CRLF3: variants seen among roughly 807,000 people sequenced by gnomAD.
CRLF3 encodes the protein cytokine receptor-like factor 3.
CRLF3 carries 33 observed loss-of-function variants against 55.0 expected under a neutral mutation model. That is an observed-to-expected ratio of 0.60 (90% CI 0.46 to 0.80). CRLF3 has a LOEUF of 0.80. Ranked by LOEUF, CRLF3 falls within the 30% of genes least tolerant of loss-of-function variation. CRLF3 has a pLI of 0.00. For missense variants in CRLF3, 494 were observed against 538.4 expected (o/e 0.92, Z 0.82); for synonymous variants, 238 against 196.8 (o/e 1.21, Z -1.75).
chr17:30,795,397 G>C (rs1225262625), intron 4 of CRLF3, among the ~76,000 whole-genome samples: 1 of 151,974 alleles, frequency 6.6e-6, no homozygotes, highest in African/African-American at 2.4e-5. Context: ...TTGGGAGGCT[G>C]AGGCAGGAGG....
rs186823938 is a variant in CRLF3, at chr17:30,811,482, A to C, written c.130-7374T>G. 2.8e-3 allele frequency among the ~76,000 whole-genome samples: 408 copies of C among 146,754 alleles called. 5 individuals are homozygous for C. The highest frequency in any genetic ancestry group is 9.9e-3 in the African/African-American group (375 of 37,750). ...CAAACAAACAAACAAAAAACACCAC[A>C]AAAAAAAACAGAAAAACATATTTAT... is the stretch of plus-strand genomic sequence containing the variant. On this transcript the variant is annotated intron_variant, in intron 1 of 7. Transcript: ENST00000324238.
chr17:30,815,924 C>A (rs1312665918), intron 1 of CRLF3, among the ~76,000 whole-genome samples: 5 of 150,194 alleles, frequency 3.3e-5, no homozygotes, highest in Non-Finnish European at 7.4e-5. Context: ...TTTCAGAGTA[C>A]CATATTTAAA....
Position 30,803,997 on chromosome 17 carries a change from C to A in CRLF3, c.241G>T (p.Val81Leu). The A allele has an allele frequency of 6.2e-7, 1 of 1,612,806 alleles. No homozygotes were observed. The highest frequency in any genetic ancestry group is 8.5e-7 in the Non-Finnish European group (1 of 1,179,702). Residue 81 changes from valine (V) to leucine (L), a missense_variant, in exon 2 of 8, where the codon GTG (valine) becomes TTG (leucine). Transcript: ENST00000324238. ...ATGGTCTCCTGTTCAATGGTGTCCA[C>A]CTCTTGCAAAAGGGTCACCAATCGC... ...DERLVTLLQEVDTIEQETIKP... is the reference protein window; with the variant it reads ...DERLVTLLQELDTIEQETIKP...
At chr17:30,811,340 A>C (rs763337288) in intron 1 of CRLF3, among the ~76,000 whole-genome samples, 10 of 151,878 alleles carry the variant, frequency 6.6e-5, no homozygotes, top group Admixed American at 2.6e-4. Context: ...CCGTAATCCC[A>C]GCTACTCGGA....
intron 1 of CRLF3, among the ~76,000 whole-genome samples, chr17:30,807,050 G>A (rs182528938): frequency 1.5e-4 from 23 of 152,200 alleles, no homozygotes; most frequent in Admixed American, 1.3e-3. Context: ...TGACCTGGGC[G>A]ACAGAGCAAG....
intron 1 of CRLF3, among the ~76,000 whole-genome samples, chr17:30,816,720 G>A (rs545146955): frequency 6.6e-6 from 1 of 151,738 alleles, no homozygotes; most frequent in East Asian, 1.9e-4. Context: ...CAAACTTCTG[G>A]GCTCGAGATC....
At chr17:30,793,696 G>C (rs758027209) in intron 4 of CRLF3, 24 bp from the exon 5 acceptor site, 1 of 1,541,064 alleles carries the variant, frequency 6.5e-7, no homozygotes, top group Non-Finnish European at 8.9e-7. Flanking sequence ...CTTTATGTTA[G>C]GTAAAAAACA....
rs150621382 is a variant in CRLF3 at position 30,816,200 on chromosome 17, C to T, written c.129+8323G>A. Among the ~76,000 whole-genome samples, 891 of 150,464 alleles carry T rather than the reference C, an allele frequency of 5.9e-3. 11 individuals are homozygous for T. The highest frequency in any genetic ancestry group is 0.021 in the African/African-American group (841 of 40,964). ...GGGAGGCTGAGGTGGGAGAATCACT[C>T]GAACCCGGAAAGCAGAGGTTGCAGT... On this transcript the variant is annotated intron_variant, in intron 1 of 7. Coordinates refer to ENST00000324238, the MANE Select transcript of CRLF3 (RefSeq NM_015986.4).
Position 30,795,788 on chromosome 17 carries a change from T to C in CRLF3, c.603+372A>G, listed in dbSNP as rs575047978. Among the ~76,000 whole-genome samples the C allele has an allele frequency of 2.6e-5, 4 of 151,720 alleles. No individual in the cohort carries two copies. The South Asian group carries it at 8.3e-4, about 32-fold the overall frequency. ...TCGTCTCTACAAAAAATACAAAAAT[T>C]AGGCAGGTGTGATGGCAGGTGCCTA... On this transcript the variant is annotated intron_variant, in intron 4 of 7. Transcript: ENST00000324238.
chr17:30,793,399 G>A, intron 5 of CRLF3, 51 bp downstream of exon 5: 1 of 1,366,442 alleles, frequency 7.3e-7, no homozygotes, highest in Non-Finnish European at 1.0e-6. Flanking sequence ...ACAGAATACA[G>A]GTATTCTAAT....
intron 6 of CRLF3, chr17:30,787,758 G>C (rs1971680905): frequency 6.6e-6 from 1 of 152,296 alleles, no homozygotes; most frequent in Non-Finnish European, 1.5e-5. Context: ...CCAGCACTTT[G>C]GGAGGCCAAG....
Position 30,782,824 on chromosome 17 carries a change from CAG to C in CRLF3, c.*1361_*1362del, listed in dbSNP as rs1280236952. On this transcript the variant is annotated 3_prime_UTR_variant, in exon 8 of 8. Transcript: ENST00000324238. ...AGTAGAAAAGGTCATGATTGTCTAA[CAG>C]GGAACATGAATCCCCAAATAAATTA... 5 of 152,208 alleles carry C rather than the reference CAG, an allele frequency of 3.3e-5. No individual in the cohort carries two copies. The East Asian group carries it at 9.6e-4, about 29-fold the overall frequency. The allele number at this position is 152,208 out of a possible 1,614,324, so 9.4% of individuals were successfully genotyped here.
At chr17:30,824,210 C>G (rs1905072483) in intron 1 of CRLF3, among the ~76,000 whole-genome samples, 1 of 151,778 alleles carries the variant, frequency 6.6e-6, no homozygotes, top group African/African-American at 2.4e-5. Flanking sequence ...CATCACTACC[C>G]GCATGACCCC....
chr17:30,800,940 A>T (rs567994830), intron 2 of CRLF3: 2 of 152,316 alleles, frequency 1.3e-5, no homozygotes, highest in African/African-American at 4.8e-5. Flanking sequence ...ATGCCTGGCT[A>T]ACTTTTTGTA....
chr17:30,793,364 T>C (rs1971854282), intron 5 of CRLF3, 86 bp downstream of exon 5: 1 of 945,948 alleles, frequency 1.1e-6, no homozygotes, highest in East Asian at 2.4e-5. Context: ...TTAGAATAGC[T>C]GGTTGTCAGT....
intron 1 of CRLF3, among the ~76,000 whole-genome samples, chr17:30,814,984 C>T (rs1904741822): frequency 6.6e-6 from 1 of 151,814 alleles, no homozygotes; most frequent in Non-Finnish European, 1.5e-5. Flanking sequence ...GCCTGGGCAA[C>T]AAGTGCGAAA....
chr17:30,792,523 T>TA lies in CRLF3; in HGVS notation c.875dup (p.Ala293SerfsTer7). The TA allele has an allele frequency of 6.2e-7, 1 of 1,612,726 alleles. No homozygotes were observed. Among genetic ancestry groups the TA allele is most frequent in the East Asian group, 2.2e-5 (1 of 44,824 alleles). The stretch of plus-strand genomic sequence containing the variant: ...ATGATTCAGAATCGTTCCGAAGTGC[T>TA]ATATTTCTTCGACTGCTCAGACTGT... On this transcript the variant is annotated frameshift_variant, in exon 6 of 8. Coordinates refer to ENST00000324238, the MANE Select transcript of CRLF3 (RefSeq NM_015986.4). LOFTEE classifies it high-confidence loss of function.
intron 4 of CRLF3, 97 bp from the exon 5 acceptor site, chr17:30,793,769 A>C (rs1971860885): frequency 1.4e-6 from 1 of 730,302 alleles, no homozygotes; most frequent in Non-Finnish European, 2.3e-6. Context: ...TGGACCAAGC[A>C]GACAGGCCCA....
chr17:30,793,786 G>A, intron 4 of CRLF3, 114 bp from the exon 5 acceptor site: 2 of 643,006 alleles, frequency 3.1e-6, no homozygotes, highest in Non-Finnish European at 5.5e-6. Flanking sequence ...CCCACATGCT[G>A]AATATGGGGT....
Sources: allele counts gnomAD v4.1 joint callset (sites outside exome capture counted in the v4.1 genomes callset), GRCh38; gene constraint gnomAD v4.1.1; transcripts MANE v1.5; gene names NCBI Gene and HGNC (gene_info 2026-07-23, HGNC 2026-07-21).